Variants in RNF38 observed in about 807,000 individuals in gnomAD.
RNF38 encodes ring finger protein 38.
Under a neutral mutation model 67.2 loss-of-function variants are expected in RNF38, and 15 were observed. That is an observed-to-expected ratio of 0.22 (90% confidence interval 0.15 to 0.34). RNF38 has a LOEUF of 0.34. Ranked by LOEUF, RNF38 falls within the 10% of genes least tolerant of loss-of-function variation. The pLI is 1.00. For synonymous variants in RNF38, 220 were observed against 218.8 expected, an observed-to-expected ratio of 1.01 and a Z score of -0.05; for missense variants, 524 against 639.9, an observed-to-expected ratio of 0.82 and a Z score of 1.95.
At chr9:36,360,363 T>C (rs1024701756) in intron 4 of RNF38, among the ~76,000 whole-genome samples, 2 of 152,182 alleles carry the variant, frequency 1.3e-5, no homozygotes, top group Non-Finnish European at 2.9e-5. Context: ...AATTCTGGTA[T>C]TTTTAAAAAA....
chr9:36,400,245 C>G lies in RNF38; in HGVS notation c.-137G>C. On this transcript the variant is annotated 5_prime_UTR_variant, in exon 1 of 12. Transcript: ENST00000259605. Reference sequence around the variant, plus strand: ...CCCTGAGAACAAAACGCAGCCTATCCAGAAACCCACGGAAGCAGAAGGACG... The same window carrying G: ...CCCTGAGAACAAAACGCAGCCTATCGAGAAACCCACGGAAGCAGAAGGACG... 7.2e-7 allele frequency: 1 copy of G among 1,394,654 alleles called. No individual in the cohort carries two copies. The highest frequency in any genetic ancestry group is 9.3e-7 in the Non-Finnish European group (1 of 1,069,562). 86.4% of individuals were successfully genotyped at this position (1,394,654 alleles called of 1,614,324 possible).
At chr9:36,418,690 G>A (rs1353806553) in intron 2 of RNF38, among the ~76,000 whole-genome samples, 1 of 151,844 alleles carries the variant, frequency 6.6e-6, no homozygotes, top group African/African-American at 2.4e-5. Context: ...GGAGGCTGAG[G>A]CAGGAGAATC....
chr9:36,434,806 G>A (rs566025205), intron 1 of RNF38, among the ~76,000 whole-genome samples: 112 of 152,288 alleles, frequency 7.4e-4, no homozygotes, highest in Non-Finnish European at 1.4e-3. Flanking sequence ...TGCCTCTCAA[G>A]ATTAGAACTG....
rs956155191 is a variant in RNF38, at chr9:36,338,197, T to C, written c.*1555A>G. ...AAAGAATGAGAAAGTAATTTAAACA[T>C]TGCTGGAAAAATGACTTTAAAGTGA... is the stretch of plus-strand genomic sequence containing the variant. On this transcript the variant is annotated 3_prime_UTR_variant, in exon 12 of 12. Transcript: ENST00000259605. 1.3e-5 allele frequency: 2 copies of C among 152,144 alleles called. No individual in the cohort carries two copies. Among genetic ancestry groups the C allele is most frequent in the Non-Finnish European group, 2.9e-5 (2 of 68,034 alleles). 9.4% of individuals were successfully genotyped at this position (152,144 alleles called of 1,614,324 possible).
chr9:36,359,922 T>TA (rs36125414), intron 4 of RNF38, among the ~76,000 whole-genome samples: 3 of 151,558 alleles, frequency 2.0e-5, no homozygotes, highest in African/African-American at 7.3e-5. Flanking sequence ...CTTTTTTTTT[T>TA]AAATTAGAGA....
At chr9:36,387,620 CTAAAAAAGT>C (rs1836745787) in intron 2 of RNF38, among the ~76,000 whole-genome samples, 1 of 152,016 alleles carries the variant, frequency 6.6e-6, no homozygotes, top group Non-Finnish European at 1.5e-5. Flanking sequence ...AACCTATATG[CTAAAAAAGT>C]AAATTTTATG....
At chr9:36,465,337 G>C (rs1015526476) in intron 1 of RNF38, among the ~76,000 whole-genome samples, 3 of 152,084 alleles carry the variant, frequency 2.0e-5, no homozygotes, top group African/African-American at 7.2e-5. Flanking sequence ...GTTCATAGCA[G>C]CATTCTTTTT....
Position 36,416,781 on chromosome 9 carries a change from C to T in RNF38, n.312+7832G>A, listed in dbSNP as rs112977289. Among the ~76,000 whole-genome samples the T allele has an allele frequency of 7.2e-3, 770 of 107,544 alleles. 9 individuals are homozygous for T. The highest frequency in any genetic ancestry group is 0.027 in the African/African-American group (734 of 27,206). The allele number at this position is 107,544 out of a possible 152,430, so 70.6% of individuals were successfully genotyped here. On this transcript the variant is annotated intron_variant and non_coding_transcript_variant, in intron 2 of 3. Transcript: ENST00000488058. ...TTTTTTTTTTTTTTTGAGACAGAGT[C>T]ACATTCTGTGGCCCAGGCTGGAGTG...
intron 5 of RNF38, among the ~76,000 whole-genome samples, chr9:36,356,838 T>G (rs1007463507): frequency 3.3e-5 from 5 of 152,050 alleles, no homozygotes; most frequent in Non-Finnish European, 7.4e-5. Context: ...TTCAAGAAAC[T>G]CCCCTTTTCA....
chr9:36,485,768 G>A (rs1250951517), intron 1 of RNF38, among the ~76,000 whole-genome samples: 5 of 152,158 alleles, frequency 3.3e-5, no homozygotes, highest in Admixed American at 6.5e-5. Flanking sequence ...CTTGGACAAA[G>A]GGCCTTAATT....
intron 10 of RNF38, among the ~76,000 whole-genome samples, chr9:36,343,974 A>C: frequency 6.6e-6 from 1 of 152,152 alleles, no homozygotes; most frequent in East Asian, 1.9e-4. Flanking sequence ...ATAGTTACAC[A>C]GCTCTATGAA....
chr9:36,357,719 A>T (rs1377956715), intron 5 of RNF38, 56 bp downstream of exon 5: 2 of 1,490,864 alleles, frequency 1.3e-6, no homozygotes, highest in Non-Finnish European at 1.9e-6. Flanking sequence ...ACAAAACCAA[A>T]TTCAGGCTGG....
At chr9:36,396,182 A>G (rs1194184078) in intron 1 of RNF38, among the ~76,000 whole-genome samples, 1 of 152,170 alleles carries the variant, frequency 6.6e-6, no homozygotes, top group Non-Finnish European at 1.5e-5. Flanking sequence ...AATCTTCCAA[A>G]CTGTAAGCAA....
chr9:36,345,012 T>C (rs1833116836), intron 9 of RNF38, 59 bp from the exon 10 acceptor site: 2 of 1,501,100 alleles, frequency 1.3e-6, no homozygotes, highest in Admixed American at 2.1e-5. Flanking sequence ...TTCCAATACT[T>C]TTTTTTTTTA....
At chr9:36,386,678 C>T (rs764922156) in intron 2 of RNF38, among the ~76,000 whole-genome samples, 54 of 152,190 alleles carry the variant, frequency 3.5e-4, no homozygotes, top group Non-Finnish European at 5.3e-4. Flanking sequence ...GTAAAGAAGC[C>T]GGCTAAAACC....
chr9:36,467,232 A>ATAAT (rs1554700940), intron 1 of RNF38, among the ~76,000 whole-genome samples: 7 of 91,156 alleles, frequency 7.7e-5, no homozygotes, highest in African/African-American at 2.0e-4. Context: ...ATATATATAT[A>ATAAT]ATATATATAT....
intron 1 of RNF38, among the ~76,000 whole-genome samples, chr9:36,451,009 T>A (rs908036787): frequency 6.6e-6 from 1 of 152,140 alleles, no homozygotes; most frequent in African/African-American, 2.4e-5. Context: ...CAATTCCAAA[T>A]AAAGTATACT....
intron 1 of RNF38, among the ~76,000 whole-genome samples, chr9:36,468,884 C>G (rs1839928545): frequency 6.6e-6 from 1 of 151,498 alleles, no homozygotes; most frequent in African/African-American, 2.4e-5. Flanking sequence ...GAGGCTGAGG[C>G]GGGTGGATCA....
intron 9 of RNF38, among the ~76,000 whole-genome samples, chr9:36,348,017 A>G (rs1174742273): frequency 1.3e-5 from 2 of 152,188 alleles, no homozygotes; most frequent in Non-Finnish European, 2.9e-5. Flanking sequence ...CGGAGCTTGC[A>G]GTGAGCCGAG....
Sources: gnomAD v4.1 joint callset for allele counts (sites outside exome capture counted in the v4.1 genomes callset) on GRCh38, gnomAD v4.1.1 for gene constraint, MANE v1.5 for transcripts, NCBI Gene and HGNC (gene_info 2026-07-23, HGNC 2026-07-21) for gene names.